Variants in ABTB2 observed in about 807,000 individuals in gnomAD.
ABTB2 encodes the protein ankyrin repeat and BTB/POZ domain-containing protein 2.
In ABTB2, 56 loss-of-function variants were observed where a neutral mutation model predicts 104.1. That is an observed-to-expected ratio of 0.54 (90% CI 0.43 to 0.67). The LOEUF (loss-of-function observed/expected upper bound fraction) is 0.67. ABTB2 is among the 30% of genes least tolerant of loss of function. The pLI is 0.00. For missense variants in ABTB2, 1,279 were observed against 1,407.7 expected (o/e 0.91, Z 1.46); for synonymous variants, 606 against 608.2 (o/e 1.00, Z 0.05).
chr11:34,262,926 G>A (rs1354553395), intron 1 of ABTB2, among the ~76,000 whole-genome samples: 1 of 152,090 alleles, frequency 6.6e-6, no homozygotes. Context: ...GAAGGACCCG[G>A]CAAAACATGT....
chr11:34,261,891 G>T (rs895760453), intron 1 of ABTB2, among the ~76,000 whole-genome samples: 1 of 152,170 alleles, frequency 6.6e-6, no homozygotes, highest in Non-Finnish European at 1.5e-5. Context: ...AATCAGACTT[G>T]TTGCAACACA....
intron 3 of ABTB2, among the ~76,000 whole-genome samples, chr11:34,187,723 A>C (rs1853120348): frequency 1.3e-5 from 2 of 151,856 alleles, no homozygotes; most frequent in Non-Finnish European, 2.9e-5. Flanking sequence ...TGAACTCCTA[A>C]AGTGATCCTC....
At position 34,235,956 on chromosome 11, in the gene ABTB2, C is replaced by T. The variant is rs185592728; in HGVS notation, c.884-31266G>A. 2.1e-3 allele frequency among the ~76,000 whole-genome samples: 327 copies of T among 152,318 alleles called. 3 individuals are homozygous for T. Among genetic ancestry groups the T allele is most frequent in the Non-Finnish European group, 2.8e-3 (188 of 68,026 alleles). On this transcript the variant is annotated intron_variant, in intron 1 of 16. Coordinates refer to ENST00000435224, the MANE Select transcript of ABTB2 (RefSeq NM_145804.3). The stretch of plus-strand genomic sequence containing the variant: ...AGCTGTGTGGTCTGGGCAAGCACAG[C>T]GCCTAGCTTCCCTGCTGCCCACACT...
At chr11:34,325,950 A>AAAAATAAAATAAAAT (rs60780111) in intron 1 of ABTB2, among the ~76,000 whole-genome samples, 9,603 of 117,836 alleles carry the variant, frequency 0.081, 560 homozygotes, top group Admixed American at 0.095. Flanking sequence ...GACAGTCTCA[A>AAAAATAAAATAAAAT]AAAATAAAAT....
At chr11:34,187,553 G>A (rs1853118016) in intron 3 of ABTB2, among the ~76,000 whole-genome samples, 2 of 150,052 alleles carry the variant, frequency 1.3e-5, no homozygotes, top group Non-Finnish European at 3.0e-5. Context: ...GCTGAGTGCA[G>A]TTGGTGAGAT....
intron 1 of ABTB2, among the ~76,000 whole-genome samples, chr11:34,295,480 G>C (rs117753396): frequency 6.4e-4 from 97 of 152,322 alleles, no homozygotes; most frequent in Non-Finnish European, 1.2e-3. Context: ...GTAAAACAAA[G>C]TCAGTAGTTG....
At chr11:34,290,249 C>G (rs570286725) in intron 1 of ABTB2, among the ~76,000 whole-genome samples, 1 of 152,188 alleles carries the variant, frequency 6.6e-6, no homozygotes, top group African/African-American at 2.4e-5. Flanking sequence ...TTCCCTTGCA[C>G]GATCCCATGA....
At chr11:34,185,266 T>G (rs1022548826) in intron 3 of ABTB2, among the ~76,000 whole-genome samples, 3 of 152,148 alleles carry the variant, frequency 2.0e-5, no homozygotes, top group African/African-American at 7.2e-5. Flanking sequence ...TGGCAAGCAG[T>G]GTTTTGACCT....
chr11:34,230,366 A>G (rs1853753031), intron 1 of ABTB2, among the ~76,000 whole-genome samples: 1 of 152,198 alleles, frequency 6.6e-6, no homozygotes, highest in Non-Finnish European at 1.5e-5. Context: ...GGTTTGAATG[A>G]GGGGTTAGTC....
chr11:34,258,940 C>T lies in ABTB2; in HGVS notation c.884-54250G>A, dbSNP rs181417770. ...TTGTTAGGGAAGTGTAGTACATATGCGTGTGGTAGTGGTGGGGCATATCAC... is the reference window on the plus strand; with the variant it reads ...TTGTTAGGGAAGTGTAGTACATATGTGTGTGGTAGTGGTGGGGCATATCAC... On this transcript the variant is annotated intron_variant, in intron 1 of 16. Transcript: ENST00000435224. Among the ~76,000 whole-genome samples, 26 of 151,722 alleles carry T rather than the reference C, an allele frequency of 1.7e-4. No individual in the cohort carries two copies. The South Asian group carries it at 2.5e-3, about 15-fold the overall frequency.
chr11:34,195,313 A>C (rs1289213202), intron 3 of ABTB2, among the ~76,000 whole-genome samples: 2 of 151,858 alleles, frequency 1.3e-5, no homozygotes, highest in Non-Finnish European at 1.5e-5. Context: ...TTCCCAGCTG[A>C]CTCCTTCAAC....
chr11:34,243,025 A>C (rs1381499236), intron 1 of ABTB2, among the ~76,000 whole-genome samples: 7 of 152,062 alleles, frequency 4.6e-5, no homozygotes, highest in Non-Finnish European at 8.8e-5. Context: ...TGCCCACCTC[A>C]CTGACAGTCC....
At position 34,239,351 on chromosome 11, in the gene ABTB2, A is replaced by AT. The variant is rs879802760; in HGVS notation, c.884-34662dup. Among the ~76,000 whole-genome samples the AT allele has an allele frequency of 9.3e-5, 14 of 150,526 alleles. No individual in the cohort carries two copies. The East Asian group carries it at 1.6e-3, about 17-fold the overall frequency. ...GATGCTGCTGTCTTTTTTTAAATTT[A>AT]TTTTTTTTTGGAGACAGGGTGCCCC... On this transcript the variant is annotated intron_variant, in intron 1 of 16. Transcript: ENST00000435224.
At chr11:34,296,185 C>G (rs1375690468) in intron 1 of ABTB2, among the ~76,000 whole-genome samples, 1 of 152,150 alleles carries the variant, frequency 6.6e-6, no homozygotes, top group East Asian at 1.9e-4. Context: ...TGTGCGTATT[C>G]TTCAACCACA....
intron 3 of ABTB2, among the ~76,000 whole-genome samples, chr11:34,178,197 G>GA (rs1852979505): frequency 0.042 from 1 of 24 alleles, no homozygotes; most frequent in African/African-American, 0.12. Context: ...CCTCTGGGGA[G>GA]GGGCTGGTGC....
At chr11:34,282,215 T>G (rs754699170) in intron 1 of ABTB2, among the ~76,000 whole-genome samples, 1 of 152,144 alleles carries the variant, frequency 6.6e-6, no homozygotes, top group Non-Finnish European at 1.5e-5. Context: ...CTTCCTAATA[T>G]AATCCCATTG....
chr11:34,298,397 G>C (rs545949878), intron 1 of ABTB2, among the ~76,000 whole-genome samples: 6 of 149,838 alleles, frequency 4.0e-5, no homozygotes, highest in African/African-American at 1.5e-4. Flanking sequence ...GTAGGGGTGA[G>C]GAATGATCTT....
At chr11:34,258,939 G>A (rs1267749993) in intron 1 of ABTB2, among the ~76,000 whole-genome samples, 1 of 151,458 alleles carries the variant, frequency 6.6e-6, no homozygotes, top group Non-Finnish European at 1.5e-5. Flanking sequence ...TAGTACATAT[G>A]CGTGTGGTAG....
At chr11:34,205,471 A>G (rs1195499992) in intron 1 of ABTB2, among the ~76,000 whole-genome samples, 1 of 152,222 alleles carries the variant, frequency 6.6e-6, no homozygotes, top group East Asian at 1.9e-4. Flanking sequence ...TTAAAATTAC[A>G]TGTTGGCTCT....
Sources: gnomAD v4.1 joint callset for allele counts (sites outside exome capture counted in the v4.1 genomes callset) on GRCh38, gnomAD v4.1.1 for gene constraint, MANE v1.5 for transcripts, NCBI Gene and HGNC (gene_info 2026-07-23, HGNC 2026-07-21) for gene names.